LMBR1: variants seen among roughly 807,000 people sequenced by gnomAD.
LMBR1 encodes limb region 1 protein homolog.
Under a neutral mutation model 73.9 loss-of-function variants are expected in LMBR1, and 52 were observed. The observed-to-expected ratio is 0.70, with a 90% CI of 0.56 to 0.89. The LOEUF is 0.89. Among genes scored for constraint, LMBR1 ranks in the 40% least tolerant of loss-of-function variants. LMBR1 has a pLI of 0.00. For synonymous variants in LMBR1, 215 were observed against 209.4 expected, an observed-to-expected ratio of 1.03 and a Z score of -0.23; for missense variants, 539 against 579.8, an observed-to-expected ratio of 0.93 and a Z score of 0.72.
At chr7:156,882,023 T>C (rs6979887) in intron 1 of LMBR1, among the ~76,000 whole-genome samples, 69,774 of 152,040 alleles carry the variant, frequency 0.46, 16,222 homozygotes, top group East Asian at 0.61. Context: ...TATTAGCACT[T>C]CTATATCCAC....
At chr7:156,688,238 A>G in intron 15 of LMBR1, 47 bp from the exon 16 acceptor site, 1 of 1,360,680 alleles carries the variant, frequency 7.3e-7, no homozygotes, top group South Asian at 1.4e-5. Flanking sequence ...AGGTTAAGAC[A>G]TATTTAGTGT....
At chr7:156,887,281 G>A (rs150184733) in intron 1 of LMBR1, among the ~76,000 whole-genome samples, 8 of 152,124 alleles carry the variant, frequency 5.3e-5, no homozygotes, top group African/African-American at 1.4e-4. Flanking sequence ...TGGCCAACAT[G>A]GTGAAACCCC....
downstream of LMBR1, chr7:156,676,593 C>G (rs754762268): frequency 3.1e-6 from 5 of 1,614,204 alleles, no homozygotes; most frequent in Non-Finnish European, 3.4e-6. Context: ...GGGAGACAGG[C>G]CTCCTTTCCA....
chr7:156,819,449 T>C (rs952294102), intron 4 of LMBR1, among the ~76,000 whole-genome samples: 9 of 152,166 alleles, frequency 5.9e-5, no homozygotes, highest in African/African-American at 2.2e-4. Context: ...ATATTCCTAA[T>C]GATATAATTA....
chr7:156,892,696 A>G (rs1803304209), intron 1 of LMBR1: 1 of 278,536 alleles, frequency 3.6e-6, no homozygotes. Flanking sequence ...GCAAGAGCGG[A>G]GCGGGGGGGC....
At chr7:156,727,592 G>A (rs937849927) in intron 12 of LMBR1, among the ~76,000 whole-genome samples, 1 of 152,140 alleles carries the variant, frequency 6.6e-6, no homozygotes, top group Non-Finnish European at 1.5e-5. Context: ...GATGGCACAA[G>A]GTCCTGGAAA....
At chr7:156,812,235 T>C (rs1278946668) in intron 4 of LMBR1, among the ~76,000 whole-genome samples, 1 of 152,062 alleles carries the variant, frequency 6.6e-6, no homozygotes, top group East Asian at 1.9e-4. Context: ...GACCTTCAAA[T>C]AGGAAGACAG....
rs747099376 is a variant in LMBR1, at chr7:156,796,375, C to T, written c.423+14G>A. Reference sequence around the variant, plus strand: ...TCACTTAACCAATTTAATTCCAATACTAGATTCACTTACCTTTTTCAGGCC... The same window carrying T: ...TCACTTAACCAATTTAATTCCAATATTAGATTCACTTACCTTTTTCAGGCC... On this transcript the variant is annotated intron_variant, in intron 5 of 16. Coordinates refer to ENST00000353442, the MANE Select transcript of LMBR1 (RefSeq NM_022458.4). 1.1e-4 allele frequency: 175 copies of T among 1,554,140 alleles called. No homozygotes were observed. The highest frequency in any genetic ancestry group is 1.5e-4 in the Non-Finnish European group (172 of 1,138,938).
intron 10 of LMBR1, among the ~76,000 whole-genome samples, chr7:156,729,664 A>G (rs528094750): frequency 4.6e-5 from 7 of 151,906 alleles, no homozygotes; most frequent in Non-Finnish European, 8.8e-5. Flanking sequence ...TAGTAGAGAC[A>G]GGGTTTCACC....
At chr7:156,849,832 TCTA>T (rs1796003863) in intron 1 of LMBR1, among the ~76,000 whole-genome samples, 1 of 152,122 alleles carries the variant, frequency 6.6e-6, no homozygotes, top group Admixed American at 6.6e-5. Flanking sequence ...AACTATGGAA[TCTA>T]AGTCATGATG....
intron 1 of LMBR1, among the ~76,000 whole-genome samples, chr7:156,843,836 A>T (rs1024489507): frequency 1.6e-4 from 4 of 24,554 alleles, no homozygotes; most frequent in African/African-American, 6.5e-4. Context: ...ACCCTGTCTC[A>T]AAAAAAAAAA....
rs776693698 is a variant in LMBR1 at position 156,684,028 on chromosome 7, A to C, written c.*50T>G. 2.1e-6 allele frequency: 3 copies of C among 1,426,004 alleles called. No individual in the cohort carries two copies. Among genetic ancestry groups the C allele is most frequent in the Non-Finnish European group, 2.0e-6 (2 of 1,011,092 alleles). 88.3% of individuals were successfully genotyped at this position (1,426,004 alleles called of 1,614,324 possible). A position where few individuals can be genotyped will look rare whatever the true frequency, so the allele number is the denominator to read the frequency against. ...TTCTACATGGGACAGGAATGTCGTG[A>C]ATCTGGAGTTCTCGGGTCTCTTGGT... On this transcript the variant is annotated 3_prime_UTR_variant, in exon 17 of 17. Coordinates refer to ENST00000353442, the MANE Select transcript of LMBR1 (RefSeq NM_022458.4).
At chr7:156,843,889 G>T (rs181481571) in intron 1 of LMBR1, among the ~76,000 whole-genome samples, 71 of 150,812 alleles carry the variant, frequency 4.7e-4, no homozygotes, top group Admixed American at 7.9e-4. Context: ...ACAAGTGGTA[G>T]ATGAGAAAGC....
intron 7 of LMBR1, 141 bp downstream of exon 7, chr7:156,762,967 A>T: frequency 1.8e-6 from 1 of 556,884 alleles, no homozygotes; most frequent in Non-Finnish European, 3.2e-6. Context: ...ATTTATCAAA[A>T]TTTATTTTGA....
intron 15 of LMBR1, among the ~76,000 whole-genome samples, chr7:156,713,361 C>T (rs1344439120): frequency 1.3e-5 from 2 of 152,064 alleles, no homozygotes; most frequent in East Asian, 3.9e-4. Flanking sequence ...ATGTACAACA[C>T]CAGGAATGAA....
intron 10 of LMBR1, among the ~76,000 whole-genome samples, chr7:156,729,977 A>G (rs1816541251): frequency 6.6e-6 from 1 of 152,224 alleles, no homozygotes; most frequent in African/African-American, 2.4e-5. Flanking sequence ...AAGTAAACTG[A>G]GCTAAGACCT....
Position 156,684,069 on chromosome 7 carries a change from C to T in LMBR1, c.*9G>A. On this transcript the variant is annotated 3_prime_UTR_variant, in exon 17 of 17. Transcript: ENST00000353442. The stretch of plus-strand genomic sequence containing the variant: ...GTCTCTTGGTGGCAGAAGACGCCGT[C>T]TGTGCGTCTCACAGTGCTTTCTGAT... 6.2e-7 allele frequency: 1 copy of T among 1,606,404 alleles called. No individual in the cohort carries two copies. The highest frequency in any genetic ancestry group is 2.2e-5 in the East Asian group (1 of 44,850).
rs932571419 is a variant in LMBR1 at position 156,669,528 on chromosome 7, G to C, written n.867-241C>G. ...CATGTGGGAGGGGCAGGCTGGCAGAGTGTGAGCCGCTGGGCACAGGTGACC... is the reference window on the plus strand; with the variant it reads ...CATGTGGGAGGGGCAGGCTGGCAGACTGTGAGCCGCTGGGCACAGGTGACC... On this transcript the variant is annotated intron_variant and non_coding_transcript_variant, in intron 4 of 4. Coordinates refer to the LMBR1 transcript ENST00000430825. The surrounding 1 kb of genome is among the most constrained non-coding windows in gnomAD (Gnocchi z 4.2). 6.6e-6 allele frequency among the ~76,000 whole-genome samples: 1 copy of C among 152,192 alleles called. No homozygotes were observed. The highest frequency in any genetic ancestry group is 2.4e-5 in the African/African-American group (1 of 41,454).
At chr7:156,815,207 C>G (rs886437732) in intron 4 of LMBR1, among the ~76,000 whole-genome samples, 1 of 148,810 alleles carries the variant, frequency 6.7e-6, no homozygotes, top group Non-Finnish European at 1.5e-5. Context: ...CTGACATACA[C>G]CAGCATTTAG....
Sources: allele counts gnomAD v4.1 joint callset (sites outside exome capture counted in the v4.1 genomes callset), GRCh38; gene constraint gnomAD v4.1.1; non-coding constraint Gnocchi (gnomAD v3.1); transcripts MANE v1.5; gene names NCBI Gene and HGNC (gene_info 2026-07-23, HGNC 2026-07-21).